Variants in ALMS1 observed in about 807,000 individuals in gnomAD.
The protein encoded by ALMS1 is centrosome-associated protein ALMS1.
ALMS1 carries 271 observed loss-of-function variants against 352.2 expected under a neutral mutation model. That is an observed-to-expected ratio of 0.77 (90% CI 0.70 to 0.85). ALMS1 has a LOEUF of 0.85. ALMS1 is among the 40% of genes least tolerant of loss of function. ALMS1 has a pLI of 0.00. For synonymous variants in ALMS1, 1,865 were observed against 1,761.2 expected (o/e 1.06, Z -1.48); for missense variants, 5,445 against 4,870.7 (o/e 1.12, Z -3.51).
At chr2:73,599,655 G>C in intron 17 of ALMS1, 134 bp downstream of exon 17, 1 of 1,131,302 alleles carries the variant, frequency 8.8e-7, no homozygotes, top group Non-Finnish European at 1.3e-6. Flanking sequence ...CATCTTGTCA[G>C]ATTGGCATAA....
intron 12 of ALMS1, among the ~76,000 whole-genome samples, chr2:73,540,308 C>G (rs1395062716): frequency 1.3e-5 from 2 of 152,142 alleles, no homozygotes; most frequent in African/African-American, 4.8e-5. Flanking sequence ...CCTTTACAGA[C>G]AAGCAAATGC....
At chr2:73,583,196 C>G (rs1163103682) in intron 16 of ALMS1, among the ~76,000 whole-genome samples, 2 of 143,852 alleles carry the variant, frequency 1.4e-5, no homozygotes, top group South Asian at 4.5e-4. Flanking sequence ...TCCACTTTTA[C>G]TTTTTTTTTT....
Position 73,600,691 on chromosome 2 carries a change from T to C in ALMS1, c.11682T>C (p.Ile3894=). The part of the protein sequence containing the change: ...NKGIQAGNLE[I]VNGAKKHTRD... ...CCTTCCCCTCAGGTAACTTGGAGAT[T>C]GTGAACGGTGCCAAAAAACACACTC... Residue 3894 remains isoleucine, a synonymous_variant, in exon 18 of 23, where the codon ATT becomes ATC. Coordinates refer to ENST00000613296, the MANE Select transcript of ALMS1 (RefSeq NM_001378454.1). 1.9e-6 allele frequency: 3 copies of C among 1,613,586 alleles called. No individual in the cohort carries two copies. Among genetic ancestry groups the C allele is most frequent in the Non-Finnish European group, 2.5e-6 (3 of 1,179,702 alleles).
chr2:73,401,359 C>T lies in ALMS1; in HGVS notation c.325-7263C>T, dbSNP rs367803041. On this transcript the variant is annotated intron_variant, in intron 1 of 22. Transcript: ENST00000613296. ...AGATTTTTTTCCTAATATATACATT[C>T]GGTGTTATAAATTTCCCAGTAAGCA... 1.3e-3 allele frequency among the ~76,000 whole-genome samples: 199 copies of T among 152,098 alleles called. 1 individual carries two copies. The highest frequency in any genetic ancestry group is 2.3e-3 in the Non-Finnish European group (155 of 67,996).
chr2:73,588,528 T>G (rs1009441663), intron 16 of ALMS1, among the ~76,000 whole-genome samples: 4 of 152,214 alleles, frequency 2.6e-5, no homozygotes, highest in African/African-American at 9.7e-5. Context: ...TCTTTTTCTT[T>G]CCTGTCTCCC....
intron 2 of ALMS1, among the ~76,000 whole-genome samples, chr2:73,414,375 T>C (rs1317493513): frequency 2.4e-5 from 1 of 40,970 alleles, no homozygotes; most frequent in Non-Finnish European, 1.1e-4. Flanking sequence ...TTTAGTAGCT[T>C]TTTTAAAAAA....
intron 10 of ALMS1, among the ~76,000 whole-genome samples, chr2:73,499,535 G>A (rs1403284): frequency 0.22 from 33,556 of 151,964 alleles, 3,850 homozygotes; most frequent in African/African-American, 0.24. Context: ...TGTATATGGC[G>A]AAAGATATAG....
At chr2:73,422,526 C>A (rs1671304838) in intron 3 of ALMS1, among the ~76,000 whole-genome samples, 1 of 152,112 alleles carries the variant, frequency 6.6e-6, no homozygotes, top group African/African-American at 2.4e-5. Flanking sequence ...GTTCAAATCT[C>A]ACTCTGGCAT....
At chr2:73,593,822 C>A (rs187462209) in intron 16 of ALMS1, among the ~76,000 whole-genome samples, 16 of 152,316 alleles carry the variant, frequency 1.1e-4, no homozygotes, top group African/African-American at 3.8e-4. Flanking sequence ...TATTCTGGAC[C>A]TTTCATATAA....
At chr2:73,519,664 A>G in intron 10 of ALMS1, 111 bp from the exon 11 acceptor site, 2 of 1,429,916 alleles carry the variant, frequency 1.4e-6, no homozygotes, top group Admixed American at 1.8e-5. Flanking sequence ...ATGTGTCCAC[A>G]ATATATTCCT....
rs577851239 is a variant in ALMS1, at chr2:73,546,555, T to C, written c.9908-3712T>C. Reference sequence around the variant, plus strand: ...ATTAAACAAATAAACCATAAATAAGTACGTAATTACAAGTGATAAATGCTA... The same window carrying C: ...ATTAAACAAATAAACCATAAATAAGCACGTAATTACAAGTGATAAATGCTA... On this transcript the variant is annotated intron_variant, in intron 12 of 22. Transcript: ENST00000613296. Among the ~76,000 whole-genome samples, 5 of 152,332 alleles carry C rather than the reference T, an allele frequency of 3.3e-5. No homozygotes were observed. The South Asian group carries it at 1.0e-3, about 32-fold the overall frequency.
intron 9 of ALMS1, chr2:73,470,068 G>T (rs1403499104): frequency 6.6e-6 from 1 of 151,600 alleles, no homozygotes; most frequent in African/African-American, 2.4e-5. Context: ...TTTTATTTCT[G>T]ATTTTATTTA....
chr2:73,460,825 A>G (rs1228833637), intron 9 of ALMS1, among the ~76,000 whole-genome samples: 1 of 152,214 alleles, frequency 6.6e-6, no homozygotes, highest in Non-Finnish European at 1.5e-5. Flanking sequence ...CTACGCCCAC[A>G]GAGTCTCGCT....
chr2:73,442,281 G>A (rs982096511), intron 7 of ALMS1, among the ~76,000 whole-genome samples: 1 of 152,004 alleles, frequency 6.6e-6, no homozygotes, highest in Non-Finnish European at 1.5e-5. Flanking sequence ...TGCACAATAT[G>A]TTCTTTTATC....
At chr2:73,497,220 A>T (rs755765368) in intron 10 of ALMS1, among the ~76,000 whole-genome samples, 1 of 151,554 alleles carries the variant, frequency 6.6e-6, no homozygotes, top group Non-Finnish European at 1.5e-5. Flanking sequence ...ACAATGTGTT[A>T]TTTTTCTCTG....
At chr2:73,567,011 C>G (rs1674814666) in intron 15 of ALMS1, among the ~76,000 whole-genome samples, 1 of 152,204 alleles carries the variant, frequency 6.6e-6, no homozygotes, top group Non-Finnish European at 1.5e-5. Flanking sequence ...TGCCATCCTC[C>G]CAGCTTCTCC....
In ALMS1 at chr2:73,449,850, A is replaced by C. The variant is rs570286860; in HGVS notation, c.3323A>C (p.Gln1108Pro). The C allele has an allele frequency of 1.2e-6, 2 of 1,614,130 alleles. No homozygotes were observed. The highest frequency in any genetic ancestry group is 3.3e-5 in the Admixed American group (2 of 60,020). The change falls in exon 8 of 23, where the codon CAA (glutamine) becomes CCA (proline). Residue 1108 changes from glutamine to proline, a missense_variant. Physicochemically the swap from Gln to Pro is moderately conservative, Grantham distance 76 (BLOSUM62 -1). Transcript: ENST00000613296. The stretch of plus-strand genomic sequence containing the variant: ...AGAGAGAAGCCTGGTATTTTCTACC[A>C]ACAGACCTTGCCAGAGAGTCATCTG... ...SQREKPGIFYQQTLPESHLPK... is the reference protein window; with the variant it reads ...SQREKPGIFYPQTLPESHLPK...
intron 22 of ALMS1, among the ~76,000 whole-genome samples, chr2:73,609,131 G>A (rs982556011): frequency 1.3e-5 from 2 of 152,214 alleles, no homozygotes; most frequent in Non-Finnish European, 2.9e-5. Flanking sequence ...TCCTATGCCT[G>A]AAGGGCCATA....
Position 73,487,907 on chromosome 2 carries a change from G to A in ALMS1, c.7675-1727G>A, listed in dbSNP as rs1325292758. Among the ~76,000 whole-genome samples, 5 of 151,946 alleles carry A rather than the reference G, an allele frequency of 3.3e-5. No individual in the cohort carries two copies. The South Asian group carries it at 8.3e-4, about 25-fold the overall frequency. On this transcript the variant is annotated intron_variant, in intron 9 of 22. Transcript: ENST00000613296. The stretch of plus-strand genomic sequence containing the variant: ...GCATCTTTCAGCAGAGAAGAGACCC[G>A]GAGTGGCTAGCTCCTATCTGCAGGC...
Sources: allele counts gnomAD v4.1 joint callset (sites outside exome capture counted in the v4.1 genomes callset), GRCh38; gene constraint gnomAD v4.1.1; transcripts MANE v1.5; gene names NCBI Gene and HGNC (gene_info 2026-07-23, HGNC 2026-07-21).